RPS6KC1: variants seen among roughly 807,000 people sequenced by gnomAD.
RPS6KC1 encodes the protein inactive ribosomal protein S6 kinase delta-1.
Under a neutral mutation model 103.8 loss-of-function variants are expected in RPS6KC1, and 54 were observed. The ratio of observed to expected loss-of-function variants is 0.52; its 90% CI spans 0.42 to 0.65. The LOEUF (loss-of-function observed/expected upper bound fraction) is 0.65, where lower values mean the gene tolerates loss of function less well. Ranked by LOEUF, RPS6KC1 falls within the 30% of genes least tolerant of loss-of-function variation. RPS6KC1 has a pLI of 0.00. For missense variants in RPS6KC1, 1,151 were observed against 1,253.8 expected (o/e 0.92, Z 1.24); for synonymous variants, 439 against 438.7 (o/e 1.00, Z -0.01).
At chr1:213,460,152 CTTG>C in the RPS6KC1 span, among the ~76,000 whole-genome samples, 1 of 152,016 alleles carries the variant, frequency 6.6e-6, no homozygotes, top group African/African-American at 2.4e-5. Flanking sequence ...AATTTTTTGT[CTTG>C]TTGATCTAAT....
chr1:213,199,219 A>G (rs1291320753), intron 8 of RPS6KC1, among the ~76,000 whole-genome samples: 3 of 152,234 alleles, frequency 2.0e-5, no homozygotes, highest in African/African-American at 7.2e-5. Flanking sequence ...ATTATTTTTG[A>G]TGAATATCAA....
At chr1:213,390,609 G>A in the RPS6KC1 span, among the ~76,000 whole-genome samples, 1 of 152,170 alleles carries the variant, frequency 6.6e-6, no homozygotes, top group African/African-American at 2.4e-5. Context: ...TGAGTTTAGT[G>A]CACACCAGAG....
the RPS6KC1 span, among the ~76,000 whole-genome samples, chr1:213,851,601 GC>G: frequency 6.6e-6 from 1 of 152,144 alleles, no homozygotes; most frequent in East Asian, 1.9e-4. Context: ...TCTATGTGCT[GC>G]TGACTCCAGT....
chr1:213,296,454 C>T, the RPS6KC1 span, among the ~76,000 whole-genome samples: 35 of 152,168 alleles, frequency 2.3e-4, no homozygotes, highest in Non-Finnish European at 4.4e-4. Context: ...CCAGAAGAGA[C>T]TTGGGGGTCT....
chr1:213,373,456 G>A, the RPS6KC1 span, among the ~76,000 whole-genome samples: 5 of 152,122 alleles, frequency 3.3e-5, no homozygotes, highest in African/African-American at 1.2e-4. Flanking sequence ...ACATTTTTCA[G>A]TTATGTATGT....
At chr1:213,292,471 G>C in the RPS6KC1 span, among the ~76,000 whole-genome samples, 1 of 152,132 alleles carries the variant, frequency 6.6e-6, no homozygotes, top group Non-Finnish European at 1.5e-5. Flanking sequence ...CAGTGTCTGA[G>C]TAGTAAGGTT....
the RPS6KC1 span, among the ~76,000 whole-genome samples, chr1:213,360,975 G>A: frequency 6.6e-6 from 1 of 152,234 alleles, no homozygotes; most frequent in African/African-American, 2.4e-5. Context: ...CCTACTGGGG[G>A]GTGCCTCCCA....
chr1:213,525,851 G>C, the RPS6KC1 span, among the ~76,000 whole-genome samples: 1 of 152,136 alleles, frequency 6.6e-6, no homozygotes, highest in African/African-American at 2.4e-5. Context: ...CTTCAGTAGA[G>C]TGGTGGGGGG....
the RPS6KC1 span, among the ~76,000 whole-genome samples, chr1:213,774,958 C>T: frequency 6.6e-6 from 1 of 152,170 alleles, no homozygotes; most frequent in African/African-American, 2.4e-5. Context: ...CATATAGAAG[C>T]ACCTCTTCTG....
At chr1:213,445,738 CTTTCGCCTGGGAA>C in the RPS6KC1 span, among the ~76,000 whole-genome samples, 3 of 152,232 alleles carry the variant, frequency 2.0e-5, no homozygotes, top group Admixed American at 1.3e-4. Flanking sequence ...GTGGCCCACA[CTTTCGCCTGGGAA>C]ATGGGGACTG....
At chr1:213,788,970 G>A in the RPS6KC1 span, among the ~76,000 whole-genome samples, 3 of 152,284 alleles carry the variant, frequency 2.0e-5, no homozygotes, top group Non-Finnish European at 2.9e-5. Flanking sequence ...CCAGAGCAGA[G>A]GGGAAAAAAG....
the RPS6KC1 span, among the ~76,000 whole-genome samples, chr1:213,448,768 CAAAA>C: frequency 3.0e-5 from 4 of 131,856 alleles, no homozygotes; most frequent in Non-Finnish European, 6.5e-5. Flanking sequence ...CAATCTGTTA[CAAAA>C]AAAAAAAAAA....
the RPS6KC1 span, among the ~76,000 whole-genome samples, chr1:213,334,328 C>G: frequency 6.6e-6 from 1 of 152,154 alleles, no homozygotes; most frequent in Non-Finnish European, 1.5e-5. Context: ...ACATTCTTCT[C>G]ATATATTATT....
chr1:213,364,726 G>A, the RPS6KC1 span, among the ~76,000 whole-genome samples: 1 of 152,112 alleles, frequency 6.6e-6, no homozygotes, highest in South Asian at 2.1e-4. Flanking sequence ...GGCCTAGGCG[G>A]GCGGATCACC....
At chr1:213,573,374 C>G in the RPS6KC1 span, among the ~76,000 whole-genome samples, 1 of 152,160 alleles carries the variant, frequency 6.6e-6, no homozygotes, top group Non-Finnish European at 1.5e-5. Context: ...ATGATATTTT[C>G]CCATTCCAAG....
At chr1:213,119,659 A>G (rs1472810278) in intron 5 of RPS6KC1, among the ~76,000 whole-genome samples, 1 of 151,686 alleles carries the variant, frequency 6.6e-6, no homozygotes, top group African/African-American at 2.4e-5. Flanking sequence ...ACCATGGTGA[A>G]AGAACGGTAT....
the RPS6KC1 span, among the ~76,000 whole-genome samples, chr1:213,311,200 G>A: frequency 3.3e-5 from 5 of 150,840 alleles, no homozygotes; most frequent in African/African-American, 7.3e-5. Flanking sequence ...GTGCAGTGAC[G>A]CCATCTCCGC....
At chr1:213,587,640 AGAGT>A in the RPS6KC1 span, among the ~76,000 whole-genome samples, 1 of 152,262 alleles carries the variant, frequency 6.6e-6, no homozygotes, top group Non-Finnish European at 1.5e-5. Context: ...GATTAGCTCC[AGAGT>A]AAACTTCCTA....
chr1:213,861,351 C>A, the RPS6KC1 span, among the ~76,000 whole-genome samples: 2 of 152,274 alleles, frequency 1.3e-5, no homozygotes, highest in South Asian at 4.1e-4. Context: ...GGCCCCCACA[C>A]CTTATCACCG....
Sources: gnomAD v4.1 joint callset for allele counts (sites outside exome capture counted in the v4.1 genomes callset) on GRCh38, gnomAD v4.1.1 for gene constraint, MANE v1.5 for transcripts, NCBI Gene and HGNC (gene_info 2026-07-23, HGNC 2026-07-21) for gene names.